The following PDE4D variants were observed in gnomAD, a reference collection of about 807,000 sequenced individuals.
PDE4D encodes the protein 3',5'-cyclic-AMP phosphodiesterase 4D.
Under a neutral mutation model 87.4 loss-of-function variants are expected in PDE4D, and 24 were observed. That is an observed-to-expected ratio of 0.27 (90% CI 0.20 to 0.39). The LOEUF (loss-of-function observed/expected upper bound fraction) is 0.39, where lower values mean the gene tolerates loss of function less well. PDE4D is among the 10% of genes least tolerant of loss of function. PDE4D has a pLI of 1.00. For missense variants in PDE4D, 714 were observed against 1,041.0 expected (o/e 0.69, Z 4.32); for synonymous variants, 384 against 383.2 (o/e 1.00, Z -0.02).
intron 3 of PDE4D, among the ~76,000 whole-genome samples, chr5:59,970,125 G>C (rs987069343): frequency 2.0e-5 from 3 of 152,088 alleles, no homozygotes; most frequent in African/African-American, 7.3e-5. Context: ...GTGTGAGGGA[G>C]AGTTAGACAA....
intron 3 of PDE4D, among the ~76,000 whole-genome samples, chr5:59,907,479 C>T (rs1240343701): frequency 2.6e-5 from 4 of 151,878 alleles, no homozygotes; most frequent in African/African-American, 7.3e-5. Context: ...AAATAATTAT[C>T]GGGTACTAGG....
chr5:59,032,363 C>T (rs921342831), intron 6 of PDE4D, among the ~76,000 whole-genome samples: 2 of 152,140 alleles, frequency 1.3e-5, no homozygotes, highest in East Asian at 1.9e-4. Flanking sequence ...GGGAGGATCA[C>T]GAGGTCAAGA....
intron 1 of PDE4D, among the ~76,000 whole-genome samples, chr5:59,252,955 A>C (rs1760261993): frequency 6.6e-6 from 1 of 152,222 alleles, no homozygotes; most frequent in African/African-American, 2.4e-5. Flanking sequence ...GCTCCCCAGC[A>C]TAACAACGTG....
chr5:59,911,557 T>G (rs1409056489), intron 3 of PDE4D, among the ~76,000 whole-genome samples: 1 of 152,232 alleles, frequency 6.6e-6, no homozygotes, highest in Non-Finnish European at 1.5e-5. Context: ...TTCAGCAGGC[T>G]CTGCGTGAAT....
At chr5:59,945,179 A>T (rs1757606319) in intron 3 of PDE4D, among the ~76,000 whole-genome samples, 1 of 152,232 alleles carries the variant, frequency 6.6e-6, no homozygotes, top group Non-Finnish European at 1.5e-5. Flanking sequence ...GCTTCAGTGT[A>T]TTCAATACTG....
At chr5:59,582,791 G>T (rs1824408033) in intron 1 of PDE4D, among the ~76,000 whole-genome samples, 1 of 152,166 alleles carries the variant, frequency 6.6e-6, no homozygotes, top group Admixed American at 6.5e-5. Context: ...AAGTGCCACA[G>T]TCACCTCATT....
chr5:59,613,499 A>G (rs1233483108), intron 1 of PDE4D, among the ~76,000 whole-genome samples: 2 of 152,192 alleles, frequency 1.3e-5, no homozygotes, highest in African/African-American at 2.4e-5. Context: ...AGATACGCAG[A>G]AGGAGGACAG....
Position 60,014,091 on chromosome 5 carries a change from T to TAA in PDE4D, c.43-25376_43-25375dup, listed in dbSNP as rs36035984. 5.6e-3 allele frequency among the ~76,000 whole-genome samples: 537 copies of TAA among 96,426 alleles called. 6 individuals are homozygous for TAA. Among genetic ancestry groups the TAA allele is most frequent in the African/African-American group, 0.021 (517 of 25,162 alleles). The allele number at this position is 96,426 out of a possible 152,430, so 63.3% of individuals were successfully genotyped here. On this transcript the variant is annotated intron_variant, in intron 2 of 16. Coordinates refer to the PDE4D transcript ENST00000502484. ...CTGGCAACAGAGCAAGACTCCACCT[T>TAA]AAAAAAAAAAAAAAAAAAAAAAAGT...
At chr5:59,945,651 C>A (rs1054549555) in intron 3 of PDE4D, among the ~76,000 whole-genome samples, 1 of 152,122 alleles carries the variant, frequency 6.6e-6, no homozygotes, top group Non-Finnish European at 1.5e-5. Context: ...CTAACATTTG[C>A]GTGTCATAGG....
chr5:59,160,205 C>T (rs779128051), intron 5 of PDE4D, among the ~76,000 whole-genome samples: 44 of 152,134 alleles, frequency 2.9e-4, no homozygotes, highest in Non-Finnish European at 1.2e-4. Context: ...CCTTAGAATC[C>T]AGGTCTTAAC....
intron 1 of PDE4D, among the ~76,000 whole-genome samples, chr5:59,701,988 G>A (rs1214118324): frequency 6.6e-6 from 1 of 152,158 alleles, no homozygotes; most frequent in Non-Finnish European, 1.5e-5. Flanking sequence ...ACATTTCCAA[G>A]GGCCAAGAAA....
chr5:59,595,574 A>C (rs146060103), intron 1 of PDE4D, among the ~76,000 whole-genome samples: 1 of 152,286 alleles, frequency 6.6e-6, no homozygotes, highest in Non-Finnish European at 1.5e-5. Context: ...TATTTGCCAG[A>C]TGGCACATGG....
chr5:59,951,081 A>G (rs1321655990), intron 3 of PDE4D, among the ~76,000 whole-genome samples: 1 of 152,166 alleles, frequency 6.6e-6, no homozygotes, highest in African/African-American at 2.4e-5. Context: ...AAACCTGCGT[A>G]AGAAAGATAA....
chr5:58,981,157 G>A (rs1253983700), intron 11 of PDE4D, among the ~76,000 whole-genome samples: 2 of 152,136 alleles, frequency 1.3e-5, no homozygotes, highest in Non-Finnish European at 2.9e-5. Context: ...CCAAAATAGT[G>A]TTTTACCAGC....
At position 59,961,181 on chromosome 5, in the gene PDE4D, A is replaced by G. The variant is rs75662826; in HGVS notation, c.272+27307T>C. ...AAAAAGGATCTTTGCAGATGTAATT[A>G]AGGTAAAGATTTTGAGATAAGATCA... On this transcript the variant is annotated intron_variant, in intron 3 of 16. Coordinates refer to the PDE4D transcript ENST00000502484. Among the ~76,000 whole-genome samples the G allele has an allele frequency of 1.6e-3, 237 of 152,250 alleles. 6 individuals are homozygous for G. In the East Asian group the frequency reaches 0.039, roughly 25 times the overall value.
chr5:59,289,371 C>T (rs1302508969), intron 1 of PDE4D, among the ~76,000 whole-genome samples: 3 of 151,542 alleles, frequency 2.0e-5, no homozygotes, highest in Non-Finnish European at 4.4e-5. Flanking sequence ...AAATAAAAAG[C>T]AAAAAATTAA....
intron 5 of PDE4D, among the ~76,000 whole-genome samples, chr5:59,152,593 G>A (rs1408697709): frequency 1.3e-5 from 2 of 152,030 alleles, no homozygotes; most frequent in African/African-American, 4.8e-5. Flanking sequence ...AAGCTAAACC[G>A]GTCATCCAAA....
intron 5 of PDE4D, among the ~76,000 whole-genome samples, chr5:59,113,063 A>C (rs1414223112): frequency 2.0e-5 from 3 of 151,598 alleles, no homozygotes; most frequent in Non-Finnish European, 2.9e-5. Flanking sequence ...GGCCTCCCAA[A>C]GTGTCTACCC....
intron 5 of PDE4D, among the ~76,000 whole-genome samples, chr5:59,096,016 G>T (rs1769636473): frequency 6.6e-6 from 1 of 152,142 alleles, no homozygotes; most frequent in South Asian, 2.1e-4. Flanking sequence ...AGTTAAGCTG[G>T]TTACTGTGGA....
Sources: allele counts gnomAD v4.1 joint callset (sites outside exome capture counted in the v4.1 genomes callset), GRCh38; gene constraint gnomAD v4.1.1; transcripts MANE v1.5; gene names NCBI Gene and HGNC (gene_info 2026-07-23, HGNC 2026-07-21).